TBC1D20: variants seen among roughly 807,000 people sequenced by gnomAD.
The protein encoded by TBC1D20 is TBC1 domain family member 20.
In TBC1D20, 12 loss-of-function variants were observed where a neutral mutation model predicts 41.6. The ratio of observed to expected loss-of-function variants is 0.29; its 90% CI spans 0.18 to 0.47. TBC1D20 has a LOEUF of 0.47. Ranked by LOEUF, TBC1D20 falls within the 20% of genes least tolerant of loss-of-function variation. The probability of loss-of-function intolerance (pLI) is 1.00; values close to 1 mark genes in which losing one functional copy is unlikely to be tolerated. For synonymous variants in TBC1D20, 205 were observed against 204.8 expected (o/e 1.00, Z -0.01); for missense variants, 421 against 517.4 (o/e 0.81, Z 1.81).
rs573210930 is a variant in TBC1D20, at chr20:437,452, C to A, written c.*1134G>T. ...TGGCTTTGCTTACAGGGAAGCTGTC[C>A]CAGAAGGACTGAGTGATGCCTCTTG... On this transcript the variant is annotated 3_prime_UTR_variant, in exon 8 of 8. Coordinates refer to ENST00000354200, the MANE Select transcript of TBC1D20 (RefSeq NM_144628.4). 1 of 152,602 alleles carries A rather than the reference C, an allele frequency of 6.6e-6. No homozygotes were observed. The highest frequency in any genetic ancestry group is 2.1e-4 in the South Asian group (1 of 4,822). 9.5% of individuals were successfully genotyped at this position (152,602 alleles called of 1,614,324 possible).
chr20:452,654 A>G (rs984934132), intron 1 of TBC1D20, among the ~76,000 whole-genome samples: 1 of 152,176 alleles, frequency 6.6e-6, no homozygotes, highest in Non-Finnish European at 1.5e-5. Context: ...AGAATTCTAA[A>G]TTTTATTTAA....
At chr20:440,181 C>T in intron 6 of TBC1D20, 67 bp downstream of exon 6, 1 of 1,561,594 alleles carries the variant, frequency 6.4e-7, no homozygotes, top group African/African-American at 1.4e-5. Flanking sequence ...GGTTTCCCTT[C>T]AGGGAAAATG....
At chr20:458,116 C>T (rs1040092762) in intron 1 of TBC1D20, among the ~76,000 whole-genome samples, 1 of 152,038 alleles carries the variant, frequency 6.6e-6, no homozygotes, top group African/African-American at 2.4e-5. Flanking sequence ...CATACATCCA[C>T]CCCATCTCTC....
chr20:439,133 C>T lies in TBC1D20; in HGVS notation c.931G>A (p.Ala311Thr). 6.2e-7 allele frequency: 1 copy of T among 1,613,486 alleles called. No individual in the cohort carries two copies. Among genetic ancestry groups the T allele is most frequent in the Non-Finnish European group, 8.5e-7 (1 of 1,179,692 alleles). ...CTCTCAGCTTGCTGTTGGGCAGCGGCCTCCCGAGCAAGTTCGGATGGGGGA... is the reference window on the plus strand; with the variant it reads ...CTCTCAGCTTGCTGTTGGGCAGCGGTCTCCCGAGCAAGTTCGGATGGGGGA... ...QFPPSELARE[A>T]AAQQQAERTA... is the part of the protein sequence containing the mutation. Residue 311 changes from alanine (A) to threonine (T), a missense_variant, in exon 7 of 8, where the codon GCC (alanine) becomes ACC (threonine). Transcript: ENST00000354200. This position sits in a 1 kb window ranked among gnomAD's most constrained non-coding sequence, Gnocchi z 4.6.
chr20:455,157 C>T (rs1385439644), intron 1 of TBC1D20, among the ~76,000 whole-genome samples: 3 of 152,188 alleles, frequency 2.0e-5, no homozygotes, highest in Non-Finnish European at 4.4e-5. Flanking sequence ...GGCTTGACTG[C>T]TGTTTCCTGG....
chr20:455,443 C>A (rs1209147512), intron 1 of TBC1D20, among the ~76,000 whole-genome samples: 1 of 152,042 alleles, frequency 6.6e-6, no homozygotes, highest in Non-Finnish European at 1.5e-5. Context: ...CATGGTGAAA[C>A]CCTGTCTCTA....
chr20:446,270 A>C (rs1057107573), intron 2 of TBC1D20, among the ~76,000 whole-genome samples: 2 of 152,254 alleles, frequency 1.3e-5, no homozygotes, highest in Admixed American at 1.3e-4. Context: ...CTTGCACATT[A>C]GTTAGGTAAC....
Position 435,607 on chromosome 20 carries a change from G to A in TBC1D20, c.*2979C>T, listed in dbSNP as rs973649007. On this transcript the variant is annotated 3_prime_UTR_variant, in exon 8 of 8. Transcript: ENST00000354200. The stretch of plus-strand genomic sequence containing the variant: ...AAATGCTGGAGCTTCTGTCCCCATG[G>A]AGTGGGGGTGCGCCACCCTCTTGGC... The A allele has an allele frequency of 7.2e-5, 11 of 153,594 alleles. No individual in the cohort carries two copies. Among genetic ancestry groups the A allele is most frequent in the African/African-American group, 2.4e-4 (10 of 41,462 alleles). The allele number at this position is 153,594 out of a possible 1,614,324, so 9.5% of individuals were successfully genotyped here. A position where few individuals can be genotyped will look rare whatever the true frequency, so the allele number is the denominator to read the frequency against.
chr20:442,339 C>G (rs537128536), intron 3 of TBC1D20, among the ~76,000 whole-genome samples: 282 of 152,306 alleles, frequency 1.9e-3, no homozygotes, highest in African/African-American at 6.1e-3. Context: ...CGGCCTCTGC[C>G]TCCCGAGGTG....
chr20:440,350 G>T lies in TBC1D20; in HGVS notation c.666C>A (p.Ile222=), dbSNP rs772278307. 2 of 1,614,178 alleles carry T rather than the reference G, an allele frequency of 1.2e-6. No individual in the cohort carries two copies. Among genetic ancestry groups the T allele is most frequent in the Non-Finnish European group, 1.7e-6 (2 of 1,180,024 alleles). Reference sequence around the variant, plus strand: ...CAGACAGGACATGCCCAAACCAGGTGATGAGCCAGCTGAGGGCAAAGATGG... The same window carrying T: ...CAGACAGGACATGCCCAAACCAGGTTATGAGCCAGCTGAGGGCAAAGATGG... The part of the protein sequence containing the change: ...VGTIFALSWL[I]TWFGHVLSDF... The change falls in exon 6 of 8, where the codon ATC becomes ATA. Residue 222 remains isoleucine (I), a synonymous_variant. Coordinates refer to ENST00000354200, the MANE Select transcript of TBC1D20 (RefSeq NM_144628.4).
intron 5 of TBC1D20, chr20:441,194 T>C: frequency 5.9e-6 from 1 of 170,216 alleles, no homozygotes; most frequent in Non-Finnish European, 1.3e-5. Context: ...AAACATCACA[T>C]GGGATTTGCA....
chr20:439,113 A>C lies in TBC1D20; in HGVS notation c.951T>G (p.Ala317=). The change falls in exon 7 of 8, where the codon GCT becomes GCG. Residue 317 remains alanine (A), a synonymous_variant. Coordinates refer to ENST00000354200, the MANE Select transcript of TBC1D20 (RefSeq NM_144628.4). This position sits in a 1 kb window ranked among gnomAD's most constrained non-coding sequence, Gnocchi z 4.6. The stretch of plus-strand genomic sequence containing the variant: ...AGTGTCCCAGCCTTGCTCACCTCTC[A>C]GCTTGCTGTTGGGCAGCGGCCTCCC... ...LAREAAAQQQ[A]ERTAASTFKD... The C allele has an allele frequency of 1.2e-6, 2 of 1,611,156 alleles. No homozygotes were observed. Among genetic ancestry groups the C allele is most frequent in the Non-Finnish European group, 1.7e-6 (2 of 1,178,466 alleles).
At position 448,091 on chromosome 20, in the gene TBC1D20, G is replaced by C; in HGVS notation, c.71-17C>G. The C allele has an allele frequency of 6.3e-7, 1 of 1,591,356 alleles. No homozygotes were observed. The highest frequency in any genetic ancestry group is 1.1e-5 in the South Asian group (1 of 90,546). Reference sequence around the variant, plus strand: ...CGTTAAAGTCTGAAGATAAGGATAGGGAAGAATTAGGCGCACATTCAGCAC... The same window carrying C: ...CGTTAAAGTCTGAAGATAAGGATAGCGAAGAATTAGGCGCACATTCAGCAC... On this transcript the variant is annotated splice_polypyrimidine_tract_variant and intron_variant, in intron 1 of 7. Coordinates refer to ENST00000354200, the MANE Select transcript of TBC1D20 (RefSeq NM_144628.4).
chr20:460,638 C>G (rs1330050608), intron 1 of TBC1D20, among the ~76,000 whole-genome samples: 4 of 152,044 alleles, frequency 2.6e-5, no homozygotes, highest in African/African-American at 9.7e-5. Flanking sequence ...CTGGAAAAAG[C>G]AGGTACCAAG....
At chr20:441,518 G>T (rs2017228330) in intron 5 of TBC1D20, 70 bp downstream of exon 5, 5 of 1,335,608 alleles carry the variant, frequency 3.7e-6, no homozygotes, top group Non-Finnish European at 4.3e-6. Context: ...CGGCTTGTGA[G>T]GAGTGTTTCA....
rs533623986 is a variant in TBC1D20 at position 462,282 on chromosome 20, G to A, written c.70+54C>T. 329 of 1,197,962 alleles carry A rather than the reference G, an allele frequency of 2.7e-4. No homozygotes were observed. The African/African-American group carries it at 3.7e-3, about 13-fold the overall frequency. 74.2% of individuals were successfully genotyped at this position (1,197,962 alleles called of 1,614,324 possible). A position where few individuals can be genotyped will look rare whatever the true frequency, so the allele number is the denominator to read the frequency against. On this transcript the variant is annotated intron_variant, in intron 1 of 7. Coordinates refer to ENST00000354200, the MANE Select transcript of TBC1D20 (RefSeq NM_144628.4). ...GGCGCCGCCTCCGCCAGCTGCCCCT[G>A]CCCCCCGGGCCGCCCTCGCAGGCCG...
intron 1 of TBC1D20, among the ~76,000 whole-genome samples, chr20:453,409 G>T (rs988778169): frequency 6.8e-6 from 1 of 147,824 alleles, no homozygotes; most frequent in African/African-American, 2.5e-5. Context: ...GGGAGGCAGA[G>T]GTTGCAGTGA....
chr20:438,750 G>A lies in TBC1D20; in HGVS notation c.1048C>T (p.Arg350Trp), dbSNP rs761981579. ...VLRQRFRGLL[R>W]PEDRTKDVLT... ...ACATCTTTTGTTCGATCTTCAGGCC[G>A]CAGAAGTCCCCGAAACCGCTGCCGC... Residue 350 changes from arginine to tryptophan, a missense_variant, in exon 8 of 8, where the codon CGG becomes TGG. Around this residue, in one of 3 missense-constraint regions of TBC1D20, gnomAD observed 161 missense variants for 182.7 expected, o/e 0.88. Coordinates refer to ENST00000354200, the MANE Select transcript of TBC1D20 (RefSeq NM_144628.4). The A allele has an allele frequency of 3.8e-5, 61 of 1,614,098 alleles. No homozygotes were observed. The highest frequency in any genetic ancestry group is 5.0e-5 in the Non-Finnish European group (59 of 1,180,058).
intron 1 of TBC1D20, among the ~76,000 whole-genome samples, chr20:460,743 T>C (rs764029279): frequency 4.6e-5 from 7 of 152,178 alleles, no homozygotes; most frequent in Non-Finnish European, 8.8e-5. Context: ...ATTAGTAACT[T>C]TGCCAACAAT....
Sources: gnomAD v4.1 joint callset for allele counts (sites outside exome capture counted in the v4.1 genomes callset) on GRCh38, gnomAD v4.1.1 for gene constraint, gnomAD v4.1.1 regional missense constraint, Gnocchi (gnomAD v3.1) non-coding constraint, MANE v1.5 for transcripts, NCBI Gene and HGNC (gene_info 2026-07-23, HGNC 2026-07-21) for gene names.